Variants in CDH20 observed in about 807,000 individuals in gnomAD.
The protein encoded by CDH20 is cadherin 20.
A neutral mutation model predicts 74.2 loss-of-function variants in CDH20; 29 were observed. The observed-to-expected ratio is 0.39, with a 90% CI of 0.29 to 0.53. CDH20 has a LOEUF of 0.53. CDH20 is among the 20% of genes least tolerant of loss of function. CDH20 has a pLI of 0.69. For synonymous variants in CDH20, 469 were observed against 405.4 expected (o/e 1.16, Z -1.88); for missense variants, 988 against 1,048.3 (o/e 0.94, Z 0.79).
intron 9 of CDH20, among the ~76,000 whole-genome samples, chr18:61,544,347 C>T (rs760606891): frequency 1.8e-4 from 28 of 152,236 alleles, no homozygotes; most frequent in Non-Finnish European, 2.4e-4. Context: ...CTTCTGCAGA[C>T]GGCTTGTATT....
intron 5 of CDH20, 108 bp downstream of exon 5, chr18:61,503,228 C>A: frequency 1.3e-6 from 1 of 761,980 alleles, no homozygotes; most frequent in Non-Finnish European, 2.0e-6. Flanking sequence ...ATTCAATTAT[C>A]CATAGATTCC....
At position 61,490,693 on chromosome 18, in the gene CDH20, T is replaced by C; in HGVS notation, c.140T>C (p.Leu47Pro). The change falls in exon 2 of 12, where the codon CTG (leucine) becomes CCG (proline). Residue 47 changes from leucine to proline, a missense_variant. This residue lies in a region of CDH20 where 613 missense variants were observed against 755.2 expected (regional missense o/e 0.81). Coordinates refer to ENST00000262717, the MANE Select transcript of CDH20 (RefSeq NM_031891.4). The stretch of plus-strand genomic sequence containing the variant: ...CCACAAGGTGAATTAGAAGCACTCC[T>C]GTCAGACAAGCCACAGTCACATCAG... Reference protein sequence around the residue: ...PTPQGELEALLSDKPQSHQRT... With the variant: ...PTPQGELEALPSDKPQSHQRT... 1 of 1,614,150 alleles carries C rather than the reference T, an allele frequency of 6.2e-7. No individual in the cohort carries two copies. Among genetic ancestry groups the C allele is most frequent in the Non-Finnish European group, 8.5e-7 (1 of 1,180,028 alleles).
At position 61,377,264 on chromosome 18, in the gene CDH20, C is replaced by A. The variant is rs549555188; in HGVS notation, c.-153+43437C>A. Among the ~76,000 whole-genome samples the A allele has an allele frequency of 1.7e-4, 26 of 152,000 alleles. 1 individual carries two copies. In the South Asian group the frequency reaches 5.0e-3, roughly 29 times the overall value. ...CACTGGAGAAACAGAATTTCATGACCATATTTAGCCACAAAGGAGTCTGGG... is the reference window on the plus strand; with the variant it reads ...CACTGGAGAAACAGAATTTCATGACAATATTTAGCCACAAAGGAGTCTGGG... On this transcript the variant is annotated intron_variant, in intron 1 of 11. Transcript: ENST00000262717.
chr18:61,351,157 T>A (rs1481741587), intron 1 of CDH20, among the ~76,000 whole-genome samples: 1 of 152,108 alleles, frequency 6.6e-6, no homozygotes, highest in Non-Finnish European at 1.5e-5. Flanking sequence ...CCCTAACAAA[T>A]CTTGGAAGAC....
At chr18:61,415,384 G>A (rs997101423) in intron 1 of CDH20, among the ~76,000 whole-genome samples, 1 of 152,160 alleles carries the variant, frequency 6.6e-6, no homozygotes, top group Admixed American at 6.5e-5. Flanking sequence ...AGTAAATGCT[G>A]GAGCACAGGC....
chr18:61,553,688 TAA>T (rs1036434171), intron 11 of CDH20, among the ~76,000 whole-genome samples: 9 of 152,168 alleles, frequency 5.9e-5, no homozygotes, highest in African/African-American at 1.9e-4. Flanking sequence ...CTATGCATAT[TAA>T]GATATGATTA....
Position 61,539,131 on chromosome 18 carries a change from G to A in CDH20, c.1516G>A (p.Ala506Thr), listed in dbSNP as rs143169143. Residue 506 changes from alanine (A) to threonine (T), a missense_variant, in exon 9 of 12, where the codon GCC (alanine) becomes ACC (threonine). Coordinates refer to ENST00000262717, the MANE Select transcript of CDH20 (RefSeq NM_031891.4). ...RFYEAFVCEN[A>T]KAGQLIQTVS... ...CTATGAAGCTTTTGTCTGTGAGAAC[G>A]CCAAGGCAGGACAGGTAAGGTGGCC... 35 of 1,613,902 alleles carry A rather than the reference G, an allele frequency of 2.2e-5. No homozygotes were observed. In the African/African-American group the frequency reaches 2.8e-4, roughly 13 times the overall value.
intron 11 of CDH20, among the ~76,000 whole-genome samples, chr18:61,550,760 G>C (rs562020936): frequency 2.0e-5 from 3 of 152,168 alleles, no homozygotes; most frequent in African/African-American, 7.2e-5. Context: ...TGCTCATCCC[G>C]ATTCTGGAGG....
chr18:61,514,510 A>G (rs988908233), intron 6 of CDH20, among the ~76,000 whole-genome samples: 1 of 152,074 alleles, frequency 6.6e-6, no homozygotes, highest in African/African-American at 2.4e-5. Flanking sequence ...CGTCAAAGTC[A>G]TTCTCCATCC....
At chr18:61,358,969 C>A (rs1910594099) in intron 1 of CDH20, among the ~76,000 whole-genome samples, 1 of 152,030 alleles carries the variant, frequency 6.6e-6, no homozygotes, top group Non-Finnish European at 1.5e-5. Flanking sequence ...TTATTATTCA[C>A]AATTGGTCTC....
At chr18:61,472,254 C>T (rs1276730765) in intron 1 of CDH20, among the ~76,000 whole-genome samples, 1 of 152,124 alleles carries the variant, frequency 6.6e-6, no homozygotes, top group Non-Finnish European at 1.5e-5. Flanking sequence ...TCGCTTTAGG[C>T]TGCATCAGCA....
At chr18:61,364,340 T>G (rs965285344) in intron 1 of CDH20, among the ~76,000 whole-genome samples, 1 of 151,416 alleles carries the variant, frequency 6.6e-6, no homozygotes, top group African/African-American at 2.5e-5. Flanking sequence ...TAGACCGAGT[T>G]TCGTTCTTGT....
At chr18:61,549,724 A>C in intron 10 of CDH20, 1 of 418,750 alleles carries the variant, frequency 2.4e-6, no homozygotes, top group Non-Finnish European at 4.1e-6. Flanking sequence ...TTATGTCACA[A>C]AGGATAAGAC....
chr18:61,524,545 C>G (rs1049488732), intron 6 of CDH20, among the ~76,000 whole-genome samples: 1 of 152,166 alleles, frequency 6.6e-6, no homozygotes, highest in African/African-American at 2.4e-5. Context: ...GAAAAAAACA[C>G]AAATGTATCT....
In CDH20 at chr18:61,536,541, C is replaced by T. The variant is rs2144387341; in HGVS notation, c.1320C>T (p.Asp440=). ...SSDPGRFFYV[D]ITTGALMTAR... is the part of the protein sequence containing the mutation. Reference sequence around the variant, plus strand: ...ACCCTGGAAGATTTTTCTATGTTGACATTACAACAGGTGCCCTAATGACAG... The same window carrying T: ...ACCCTGGAAGATTTTTCTATGTTGATATTACAACAGGTGCCCTAATGACAG... Residue 440 remains aspartate, a synonymous_variant, in exon 8 of 12, where the codon GAC becomes GAT. Coordinates refer to ENST00000262717, the MANE Select transcript of CDH20 (RefSeq NM_031891.4). The T allele has an allele frequency of 2.5e-6, 4 of 1,613,064 alleles. No individual in the cohort carries two copies. Among genetic ancestry groups the T allele is most frequent in the Non-Finnish European group, 3.4e-6 (4 of 1,179,054 alleles).
chr18:61,386,580 A>G (rs1911606851), intron 1 of CDH20, among the ~76,000 whole-genome samples: 1 of 152,178 alleles, frequency 6.6e-6, no homozygotes, highest in African/African-American at 2.4e-5. Flanking sequence ...TAATTCCCCT[A>G]AGGAAATAAT....
chr18:61,542,493 C>T (rs1913075246), intron 9 of CDH20, among the ~76,000 whole-genome samples: 2 of 152,204 alleles, frequency 1.3e-5, no homozygotes. Context: ...GACTAACTGC[C>T]TTAGCTGACT....
In CDH20 at chr18:61,490,350, C is replaced by T. The variant is rs144352574; in HGVS notation, c.-152-52C>T. On this transcript the variant is annotated intron_variant, in intron 1 of 11. Coordinates refer to ENST00000262717, the MANE Select transcript of CDH20 (RefSeq NM_031891.4). ...ACATTTCTTGAAAACTTGCAACCCG[C>T]CTGCAGGAAAGAATCTGACATCATC... 13 of 530,886 alleles carry T rather than the reference C, an allele frequency of 2.4e-5. No homozygotes were observed. In the East Asian group the frequency reaches 4.0e-4, roughly 16 times the overall value. The allele number at this position is 530,886 out of a possible 1,614,324, so 32.9% of individuals were successfully genotyped here. A position where few individuals can be genotyped will look rare whatever the true frequency, so the allele number is the denominator to read the frequency against.
chr18:61,538,646 T>C (rs1413667503), intron 8 of CDH20, among the ~76,000 whole-genome samples: 1 of 105,900 alleles, frequency 9.4e-6, no homozygotes, highest in Non-Finnish European at 1.8e-5. Context: ...TGAGACGGAG[T>C]CTTACTCTTT....
Sources: gnomAD v4.1 joint callset for allele counts (sites outside exome capture counted in the v4.1 genomes callset) on GRCh38, gnomAD v4.1.1 for gene constraint, gnomAD v4.1.1 regional missense constraint, MANE v1.5 for transcripts, NCBI Gene and HGNC (gene_info 2026-07-23, HGNC 2026-07-21) for gene names.